The following IQUB variants were observed in gnomAD, a reference collection of about 807,000 sequenced individuals.
IQUB encodes the protein IQ motif and ubiquitin-like domain-containing protein.
In IQUB, 86 loss-of-function variants were observed where a neutral mutation model predicts 86.4. The observed-to-expected ratio is 1.00, with a 90% CI of 0.84 to 1.19. The LOEUF (loss-of-function observed/expected upper bound fraction) is 1.19, where lower values mean the gene tolerates loss of function less well. Ranked by LOEUF, IQUB falls within the 50% of genes most tolerant of loss-of-function variation. The pLI is 0.00. For synonymous variants in IQUB, 289 were observed against 304.5 expected (o/e 0.95, Z 0.53); for missense variants, 946 against 916.9 (o/e 1.03, Z -0.41).
chr7:123,452,750 G>T lies in IQUB; in HGVS notation c.2369C>A (p.Pro790His), dbSNP rs1793479339. The T allele has an allele frequency of 1.2e-6, 2 of 1,610,842 alleles. No individual in the cohort carries two copies. Among genetic ancestry groups the T allele is most frequent in the South Asian group, 2.2e-5 (2 of 90,790 alleles). ...TPKIIESQRP[P>H]H ...CAAATACTCCTGGATCACCTAATGAGGAGGCCTCTGGGATTCTATAATCTT... is the reference window on the plus strand; with the variant it reads ...CAAATACTCCTGGATCACCTAATGATGAGGCCTCTGGGATTCTATAATCTT... The change falls in exon 13 of 13, where the codon CCT (proline) becomes CAT (histidine). Residue 790 changes from proline (P) to histidine (H), a missense_variant. Coordinates refer to ENST00000324698, the MANE Select transcript of IQUB (RefSeq NM_178827.5).
chr7:123,490,632 T>A (rs954862096), intron 7 of IQUB, among the ~76,000 whole-genome samples: 3 of 152,216 alleles, frequency 2.0e-5, no homozygotes, highest in African/African-American at 7.2e-5. Flanking sequence ...CAATGTAATT[T>A]GTATTCTAGT....
chr7:123,454,248 C>T (rs922822001), intron 12 of IQUB, among the ~76,000 whole-genome samples: 7 of 152,086 alleles, frequency 4.6e-5, no homozygotes, highest in Non-Finnish European at 2.9e-5. Context: ...TTAACTTACA[C>T]ATGTACAGAA....
At chr7:123,458,191 T>C (rs188510897) in intron 11 of IQUB, 14 of 152,164 alleles carry the variant, frequency 9.2e-5, no homozygotes, top group African/African-American at 3.4e-4. Context: ...AATAGCTGTT[T>C]AAAACTTTTT....
chr7:123,470,803 A>G (rs1222458912), intron 8 of IQUB, among the ~76,000 whole-genome samples: 1 of 151,858 alleles, frequency 6.6e-6, no homozygotes, highest in Non-Finnish European at 1.5e-5. Context: ...GTGAGCCGAG[A>G]TCGCGCCACT....
chr7:123,497,935 G>A (rs1248732724), intron 6 of IQUB, among the ~76,000 whole-genome samples: 1 of 151,830 alleles, frequency 6.6e-6, no homozygotes, highest in Non-Finnish European at 1.5e-5. Flanking sequence ...TGGATGGTCT[G>A]AGCAGAGTGG....
intron 7 of IQUB, among the ~76,000 whole-genome samples, chr7:123,492,981 CTACTG>C (rs1343649710): frequency 6.6e-6 from 1 of 152,194 alleles, no homozygotes; most frequent in Admixed American, 6.5e-5. Flanking sequence ...CTTGTATTCT[CTACTG>C]TATAGTCCCC....
intron 8 of IQUB, among the ~76,000 whole-genome samples, chr7:123,470,720 G>A (rs1461903070): frequency 3.3e-5 from 5 of 152,064 alleles, no homozygotes; most frequent in South Asian, 2.1e-4. Flanking sequence ...GCGTGGTGAC[G>A]GACACCTGTA....
intron 11 of IQUB, among the ~76,000 whole-genome samples, 175 bp downstream of exon 11, chr7:123,461,182 G>A (rs974114538): frequency 1.3e-5 from 2 of 151,488 alleles, no homozygotes; most frequent in Non-Finnish European, 3.0e-5. Flanking sequence ...AGGTTATAGA[G>A]GTATAATGGT....
At chr7:123,519,442 C>T (rs1291748619) in intron 1 of IQUB, among the ~76,000 whole-genome samples, 1 of 152,072 alleles carries the variant, frequency 6.6e-6, no homozygotes, top group Non-Finnish European at 1.5e-5. Flanking sequence ...GGCATGTATA[C>T]ACACAATGAA....
intron 11 of IQUB, among the ~76,000 whole-genome samples, chr7:123,460,638 T>G (rs1793934989): frequency 1.3e-5 from 2 of 151,960 alleles, no homozygotes; most frequent in Non-Finnish European, 2.9e-5. Flanking sequence ...AGTAAGTCCT[T>G]CTGTTTTCTC....
At chr7:123,504,175 C>A (rs919219319) in intron 3 of IQUB, among the ~76,000 whole-genome samples, 4 of 152,270 alleles carry the variant, frequency 2.6e-5, no homozygotes, top group Middle Eastern at 3.4e-3. Context: ...TTAGGCCACA[C>A]ATGGCGGTTC....
intron 8 of IQUB, among the ~76,000 whole-genome samples, chr7:123,473,939 C>T (rs774514266): frequency 6.6e-6 from 1 of 152,040 alleles, no homozygotes; most frequent in Non-Finnish European, 1.5e-5. Context: ...CTTAAAATTA[C>T]TAATTATTTA....
intron 11 of IQUB, chr7:123,459,611 C>T (rs1793890585): frequency 6.6e-6 from 1 of 151,944 alleles, no homozygotes; most frequent in African/African-American, 2.4e-5. Context: ...ATTATGTGAG[C>T]AAATTCCTTG....
At chr7:123,523,043 T>G (rs1796990808) in intron 1 of IQUB, among the ~76,000 whole-genome samples, 3 of 151,018 alleles carry the variant, frequency 2.0e-5, no homozygotes, top group Admixed American at 2.0e-4. Flanking sequence ...TCATCATTTT[T>G]TATGGCTGCA....
intron 7 of IQUB, among the ~76,000 whole-genome samples, chr7:123,492,916 C>T (rs1008295031): frequency 1.3e-5 from 2 of 152,116 alleles, no homozygotes; most frequent in Admixed American, 1.3e-4. Flanking sequence ...TATAGCTGGT[C>T]CTATTAAACA....
Position 123,496,797 on chromosome 7 carries a change from C to G in IQUB, c.1133G>C (p.Arg378Thr). The change falls in exon 7 of 13, where the codon AGG becomes ACG. Residue 378 changes from arginine (R) to threonine (T), a missense_variant. By Grantham distance (71) the Arg-to-Thr change is moderately conservative (BLOSUM62 -1). Transcript: ENST00000324698. ...CCATTCTTCTTTTTCTCTTATCTTC[C>G]TTAGTTCTTGCTGTGTTTCCCATTC... is the stretch of plus-strand genomic sequence containing the variant. ...RLEWETQQEL[R>T]KIREKEEWIK... is the part of the protein sequence containing the mutation. 6.2e-7 allele frequency: 1 copy of G among 1,612,096 alleles called. No individual in the cohort carries two copies. Among genetic ancestry groups the G allele is most frequent in the Non-Finnish European group, 8.5e-7 (1 of 1,178,756 alleles).
Position 123,502,904 on chromosome 7 carries a change from T to C in IQUB, c.867+40A>G, listed in dbSNP as rs769364932. The C allele has an allele frequency of 1.4e-5, 22 of 1,534,624 alleles. No homozygotes were observed. The Admixed American group carries it at 4.1e-4, about 28-fold the overall frequency. The stretch of plus-strand genomic sequence containing the variant: ...AGTCATACAGTACAATTATTGAGTC[T>C]ATACCTTCAAAAACCTAAAGAGACA... On this transcript the variant is annotated intron_variant, in intron 5 of 12. Coordinates refer to ENST00000324698, the MANE Select transcript of IQUB (RefSeq NM_178827.5).
intron 12 of IQUB, among the ~76,000 whole-genome samples, chr7:123,456,396 T>G (rs1366960494): frequency 1.3e-5 from 2 of 152,112 alleles, no homozygotes. Context: ...GTTTACTAAA[T>G]ATAACATTTA....
At chr7:123,494,178 A>C (rs1262659640) in intron 7 of IQUB, among the ~76,000 whole-genome samples, 1 of 152,136 alleles carries the variant, frequency 6.6e-6, no homozygotes, top group African/African-American at 2.4e-5. Context: ...CACCCTCAAC[A>C]TACTGCTATA....
Sources: gnomAD v4.1 joint callset for allele counts (sites outside exome capture counted in the v4.1 genomes callset) on GRCh38, gnomAD v4.1.1 for gene constraint, MANE v1.5 for transcripts, NCBI Gene and HGNC (gene_info 2026-07-23, HGNC 2026-07-21) for gene names.